Variants in MAP7 observed in about 807,000 individuals in gnomAD.
MAP7 encodes the protein microtubule associated protein 7.
Under a neutral mutation model 94.8 loss-of-function variants are expected in MAP7, and 52 were observed. That is an observed-to-expected ratio of 0.55 (90% CI 0.44 to 0.69). MAP7 has a LOEUF of 0.69. Ranked by LOEUF, MAP7 falls within the 30% of genes least tolerant of loss-of-function variation. The probability of loss-of-function intolerance (pLI) is 0.00; values close to 1 mark genes in which losing one functional copy is unlikely to be tolerated. For missense variants in MAP7, 940 were observed against 964.6 expected (o/e 0.97, Z 0.34); for synonymous variants, 350 against 357.0 (o/e 0.98, Z 0.22).
chr6:136,380,070 G>T (rs184290355), intron 6 of MAP7, among the ~76,000 whole-genome samples: 56 of 152,244 alleles, frequency 3.7e-4, no homozygotes, highest in Admixed American at 7.2e-4. Flanking sequence ...TTACCAAACC[G>T]AAGGGAGAGA....
intron 3 of MAP7, among the ~76,000 whole-genome samples, chr6:136,394,961 T>TATATATATATATATATATAC (rs1169268766): frequency 1.6e-5 from 2 of 128,928 alleles, no homozygotes; most frequent in African/African-American, 5.6e-5. Flanking sequence ...TATATATATA[T>TATATATATATATATATATAC]ATATATATAT....
intron 1 of MAP7, among the ~76,000 whole-genome samples, chr6:136,435,194 A>AT (rs1040134201): frequency 1.6e-4 from 24 of 152,340 alleles, no homozygotes; most frequent in Admixed American, 1.2e-3. Context: ...TATTGAATGG[A>AT]TAAACTACAT....
At chr6:136,460,470 G>T (rs1804834486) in intron 1 of MAP7, among the ~76,000 whole-genome samples, 1 of 152,134 alleles carries the variant, frequency 6.6e-6, no homozygotes. Flanking sequence ...ATAAAAAGAT[G>T]ATTGGAAAAC....
intron 1 of MAP7, among the ~76,000 whole-genome samples, chr6:136,527,282 A>T (rs531635368): frequency 6.6e-6 from 1 of 152,232 alleles, no homozygotes; most frequent in South Asian, 2.1e-4. Context: ...TGCTGTCTCC[A>T]AAAAAAATTT....
At position 136,550,023 on chromosome 6, in the gene MAP7, C is replaced by G. The variant is rs1830014966; in HGVS notation, c.67+319G>C. 6.6e-6 allele frequency among the ~76,000 whole-genome samples: 1 copy of G among 152,092 alleles called. No homozygotes were observed. The highest frequency in any genetic ancestry group is 1.5e-5 in the Non-Finnish European group (1 of 67,990). ...AACTGAATTAGACCCGAGGCCGCGGCGGGGAGGGCAGCGGCCGGGGTCTCT... is the reference window on the plus strand; with the variant it reads ...AACTGAATTAGACCCGAGGCCGCGGGGGGGAGGGCAGCGGCCGGGGTCTCT... On this transcript the variant is annotated intron_variant, in intron 1 of 17. Coordinates refer to ENST00000354570, the MANE Select transcript of MAP7 (RefSeq NM_003980.6). The surrounding 1 kb of genome is among the most constrained non-coding windows in gnomAD (Gnocchi z 5.1).
chr6:136,515,588 A>G (rs920430208), intron 1 of MAP7, among the ~76,000 whole-genome samples: 1 of 152,214 alleles, frequency 6.6e-6, no homozygotes, highest in African/African-American at 2.4e-5. Flanking sequence ...ACTTCATTTC[A>G]AAATTGTCAT....
At chr6:136,522,024 CCA>C (rs1826527257) in intron 1 of MAP7, among the ~76,000 whole-genome samples, 1 of 152,194 alleles carries the variant, frequency 6.6e-6, no homozygotes, top group Admixed American at 6.5e-5. Context: ...GAGTAATCTG[CCA>C]CAGAGTGAGC....
At chr6:136,425,460 T>C (rs1792863488) in intron 1 of MAP7, among the ~76,000 whole-genome samples, 1 of 152,136 alleles carries the variant, frequency 6.6e-6, no homozygotes, top group Non-Finnish European at 1.5e-5. Context: ...TAGTAAAAAA[T>C]GGTTAAAATT....
intron 1 of MAP7, among the ~76,000 whole-genome samples, chr6:136,428,930 T>C (rs1335907251): frequency 6.6e-6 from 1 of 152,154 alleles, no homozygotes; most frequent in African/African-American, 2.4e-5. Flanking sequence ...AGAACTCTTT[T>C]TGTCACCCTT....
At chr6:136,403,448 T>G (rs1232569563) in intron 3 of MAP7, among the ~76,000 whole-genome samples, 1 of 152,240 alleles carries the variant, frequency 6.6e-6, no homozygotes, top group Non-Finnish European at 1.5e-5. Flanking sequence ...AAATAAGTGA[T>G]GAAGTTGGCA....
At chr6:136,542,679 G>A (rs959721223) in intron 1 of MAP7, among the ~76,000 whole-genome samples, 1 of 151,306 alleles carries the variant, frequency 6.6e-6, no homozygotes, top group Non-Finnish European at 1.5e-5. Context: ...GGAAATAAGA[G>A]ATACTATGGC....
At chr6:136,403,074 C>T (rs1784631848) in intron 3 of MAP7, among the ~76,000 whole-genome samples, 2 of 152,100 alleles carry the variant, frequency 1.3e-5, no homozygotes, top group Non-Finnish European at 2.9e-5. Flanking sequence ...ACAGCCTTAA[C>T]CCTAAGTACT....
Position 136,415,084 on chromosome 6 carries a change from C to A in MAP7, c.167-3387G>T, listed in dbSNP as rs1029394141. On this transcript the variant is annotated intron_variant, in intron 2 of 17. Coordinates refer to ENST00000354570, the MANE Select transcript of MAP7 (RefSeq NM_003980.6). ...CCTCCCAAAGTGCTGGCATTACAAG[C>A]GTGAGCCACCATGCCCGATCTCGGC... 1.2e-4 allele frequency among the ~76,000 whole-genome samples: 18 copies of A among 152,138 alleles called. No homozygotes were observed. In the Middle Eastern group the frequency reaches 0.01, roughly 86 times the overall value.
chr6:136,526,857 C>T (rs768573774), intron 1 of MAP7: 4 of 191,304 alleles, frequency 2.1e-5, no homozygotes, highest in Non-Finnish European at 3.9e-5. Flanking sequence ...ATTCTTACCA[C>T]CCCAGAGCAT....
chr6:136,475,539 T>C (rs1212256709), intron 1 of MAP7, among the ~76,000 whole-genome samples: 7 of 152,222 alleles, frequency 4.6e-5, no homozygotes. Flanking sequence ...AGATCAGCCT[T>C]CTTGATGTGT....
At chr6:136,411,853 C>T (rs957936462) in intron 2 of MAP7, among the ~76,000 whole-genome samples, 156 bp from the exon 3 acceptor site, 2 of 152,108 alleles carry the variant, frequency 1.3e-5, no homozygotes, top group Non-Finnish European at 1.5e-5. Flanking sequence ...TTACAGTGAT[C>T]TACTCAATTA....
intron 1 of MAP7, among the ~76,000 whole-genome samples, chr6:136,541,189 A>C (rs1158344809): frequency 6.6e-6 from 1 of 152,146 alleles, no homozygotes; most frequent in East Asian, 1.9e-4. Context: ...GAAGCAGCCA[A>C]AAGTTTTGCT....
chr6:136,504,649 C>T lies in MAP7; in HGVS notation c.67+45693G>A, dbSNP rs1258940604. 2.0e-5 allele frequency among the ~76,000 whole-genome samples: 3 copies of T among 150,480 alleles called. No homozygotes were observed. The East Asian group carries it at 6.0e-4, about 30-fold the overall frequency. On this transcript the variant is annotated intron_variant, in intron 1 of 17. Coordinates refer to ENST00000354570, the MANE Select transcript of MAP7 (RefSeq NM_003980.6). ...CTGAGCCACCGCATCCAGCCCATTT[C>T]CCATAAATATATCTTTTAATATAAA...
At chr6:136,496,007 T>C (rs1818091424) in intron 1 of MAP7, among the ~76,000 whole-genome samples, 1 of 152,200 alleles carries the variant, frequency 6.6e-6, no homozygotes, top group Non-Finnish European at 1.5e-5. Context: ...ATTAAAATAA[T>C]AAGTTATAAC....
Sources: gnomAD v4.1 joint callset for allele counts (sites outside exome capture counted in the v4.1 genomes callset) on GRCh38, gnomAD v4.1.1 for gene constraint, Gnocchi (gnomAD v3.1) non-coding constraint, MANE v1.5 for transcripts, NCBI Gene and HGNC (gene_info 2026-07-23, HGNC 2026-07-21) for gene names.